Variants in MS4A3 observed in about 807,000 individuals in gnomAD.
MS4A3 encodes the protein membrane-spanning 4-domains subfamily A member 3.
A neutral mutation model predicts 24.7 loss-of-function variants in MS4A3; 18 were observed. The ratio of observed to expected loss-of-function variants is 0.73; its 90% CI spans 0.50 to 1.08. The LOEUF (loss-of-function observed/expected upper bound fraction) is 1.08. MS4A3 is among the 50% of genes least tolerant of loss of function. MS4A3 has a pLI of 0.00. For missense variants in MS4A3, 282 were observed against 251.7 expected (o/e 1.12, Z -0.82); for synonymous variants, 84 against 95.3 (o/e 0.88, Z 0.69).
In MS4A3 at chr11:60,061,513, G is replaced by A. The variant is rs561158165; in HGVS notation, c.156+197G>A. Reference sequence around the variant, plus strand: ...AGTCTATTCAACGTGAAGAGGATGAGGATGAAGACCTTTATGATAATCTAC... The same window carrying A: ...AGTCTATTCAACGTGAAGAGGATGAAGATGAAGACCTTTATGATAATCTAC... On this transcript the variant is annotated intron_variant, in intron 2 of 6. Coordinates refer to ENST00000278865, the MANE Select transcript of MS4A3 (RefSeq NM_006138.5). The A allele has an allele frequency of 7.3e-6, 5 of 682,336 alleles. No individual in the cohort carries two copies. In the South Asian group the frequency reaches 7.7e-5, roughly 11 times the overall value. The allele number at this position is 682,336 out of a possible 1,614,324, so 42.3% of individuals were successfully genotyped here.
In MS4A3 at chr11:60,068,112, CTT is replaced by C. The variant is rs200619312; in HGVS notation, c.513+1001_513+1002del. 9.4e-3 allele frequency among the ~76,000 whole-genome samples: 1,425 copies of C among 152,096 alleles called. 24 individuals are homozygous for C. Among genetic ancestry groups the C allele is most frequent in the African/African-American group, 0.025 (1,045 of 41,504 alleles). The stretch of plus-strand genomic sequence containing the variant: ...ATATCTCCTTGCTTAATAAAACAAA[CTT>C]GAGAGATTTACAACTTTCTCTGCAA... On this transcript the variant is annotated intron_variant, in intron 5 of 6. Coordinates refer to ENST00000278865, the MANE Select transcript of MS4A3 (RefSeq NM_006138.5).
At chr11:60,069,705 C>G in intron 6 of MS4A3, 30 bp downstream of exon 6, 3 of 1,518,240 alleles carry the variant, frequency 2.0e-6, no homozygotes, top group Non-Finnish European at 2.7e-6. Flanking sequence ...TAATCATTCA[C>G]ATGATCTCAA....
At chr11:60,061,992 G>T (rs1855283847) in intron 2 of MS4A3, among the ~76,000 whole-genome samples, 1 of 152,152 alleles carries the variant, frequency 6.6e-6, no homozygotes, top group African/African-American at 2.4e-5. Context: ...TGTGCCTTTT[G>T]ACCAGCCATT....
chr11:60,069,513 ATTT>A (rs112586570), intron 5 of MS4A3, 58 bp from the exon 6 acceptor site: 2 of 952,446 alleles, frequency 2.1e-6, no homozygotes, highest in Non-Finnish European at 1.5e-6. Context: ...TCCTGCTGAC[ATTT>A]TTTTTTTTAC....
rs1414357302 is a variant in MS4A3, at chr11:60,067,057, G to A, written c.458G>A (p.Cys153Tyr). 6.2e-7 allele frequency: 1 copy of A among 1,613,356 alleles called. No individual in the cohort carries two copies. Among genetic ancestry groups the A allele is most frequent in the Non-Finnish European group, 8.5e-7 (1 of 1,179,820 alleles). ...IAVNIQSLRS[C>Y]HSSSESPDLC... ...GTTAATATCCAGTCATTAAGGAGTT[G>A]TCACTCTTCATCAGAGTCACCGGAC... The change falls in exon 5 of 7, where the codon TGT (cysteine) becomes TAT (tyrosine). Residue 153 changes from cysteine (C) to tyrosine (Y), a missense_variant. By Grantham distance (194) the Cys-to-Tyr change is radical. Coordinates refer to ENST00000278865, the MANE Select transcript of MS4A3 (RefSeq NM_006138.5).
At chr11:60,067,830 G>T (rs1590618484) in intron 5 of MS4A3, among the ~76,000 whole-genome samples, 1 of 151,232 alleles carries the variant, frequency 6.6e-6, no homozygotes, top group African/African-American at 2.4e-5. Context: ...GGCGGATCAC[G>T]AGGTCGAGAG....
Position 60,061,096 on chromosome 11 carries a change from T to C in MS4A3, c.-15-50T>C, listed in dbSNP as rs555937979. On this transcript the variant is annotated intron_variant, in intron 1 of 6. Coordinates refer to ENST00000278865, the MANE Select transcript of MS4A3 (RefSeq NM_006138.5). ...CTGTAACACTCAAAATTTTAGTAGC[T>C]AGTGGAAAAAGGGAAAGCATGAAGG... 33 of 1,494,774 alleles carry C rather than the reference T, an allele frequency of 2.2e-5. No homozygotes were observed. The African/African-American group carries it at 3.8e-4, about 17-fold the overall frequency. The allele number at this position is 1,494,774 out of a possible 1,614,324, so 92.6% of individuals were successfully genotyped here. A position where few individuals can be genotyped will look rare whatever the true frequency, so the allele number is the denominator to read the frequency against.
At chr11:60,067,907 C>T (rs1222201162) in intron 5 of MS4A3, among the ~76,000 whole-genome samples, 1 of 151,596 alleles carries the variant, frequency 6.6e-6, no homozygotes, top group Non-Finnish European at 1.5e-5. Flanking sequence ...AAAAAATTAG[C>T]CGGGCATGGT....
In MS4A3 at chr11:60,066,920, A is replaced by C. The variant is rs774980278; in HGVS notation, c.352-31A>C. 3 of 1,523,742 alleles carry C rather than the reference A, an allele frequency of 2.0e-6. No homozygotes were observed. In the Middle Eastern group the frequency reaches 5.1e-4, roughly 260 times the overall value. 94.4% of individuals were successfully genotyped at this position (1,523,742 alleles called of 1,614,324 possible). On this transcript the variant is annotated intron_variant, in intron 4 of 6. Transcript: ENST00000278865. ...CAAAGGAATGAAGTACGTGCTGCAT[A>C]TATTAATTGAAAATTCTTATTCTTT...
At chr11:60,065,214 CTTTTT>C (rs143084907) in intron 4 of MS4A3, among the ~76,000 whole-genome samples, 1 of 128,134 alleles carries the variant, frequency 7.8e-6, no homozygotes, top group Non-Finnish European at 1.6e-5. Flanking sequence ...TAATTTTTGT[CTTTTT>C]TTTTTTTTTT....
Position 60,061,139 on chromosome 11 carries a change from A to C in MS4A3, c.-15-7A>C. The C allele has an allele frequency of 6.5e-7, 1 of 1,546,204 alleles. No homozygotes were observed. The highest frequency in any genetic ancestry group is 8.7e-7 in the Non-Finnish European group (1 of 1,150,730). ...CATGAAGGCTTTGGATTTCTTTTCT[A>C]TCACAGCCATAAACAACCCCAATGG... On this transcript the variant is annotated splice_polypyrimidine_tract_variant and splice_region_variant and intron_variant, in intron 1 of 6. Transcript: ENST00000278865.
chr11:60,061,798 G>A (rs772769987), intron 2 of MS4A3, among the ~76,000 whole-genome samples: 9 of 152,170 alleles, frequency 5.9e-5, no homozygotes, highest in Non-Finnish European at 1.0e-4. Context: ...ACTGTATCAT[G>A]TAGAAAACCT....
chr11:60,070,174 C>T, intron 6 of MS4A3, 30 bp from the exon 7 acceptor site: 1 of 1,578,804 alleles, frequency 6.3e-7, no homozygotes, highest in South Asian at 1.1e-5. Context: ...TGATCCTGTT[C>T]TTGGACATTA....
intron 1 of MS4A3, among the ~76,000 whole-genome samples, chr11:60,060,510 A>G (rs540863826): frequency 7.9e-5 from 12 of 152,310 alleles, no homozygotes; most frequent in East Asian, 1.9e-4. Context: ...GACGTCTTCT[A>G]TATAGTACTA....
At chr11:60,065,820 C>T (rs1855352495) in intron 4 of MS4A3, among the ~76,000 whole-genome samples, 1 of 152,310 alleles carries the variant, frequency 6.6e-6, no homozygotes, top group African/African-American at 2.4e-5. Flanking sequence ...TTGTCTCTGA[C>T]CTTTTAATGT....
At position 60,058,891 on chromosome 11, in the gene MS4A3, C is replaced by T. The variant is rs573548949; in HGVS notation, c.-16+2151C>T. Among the ~76,000 whole-genome samples the T allele has an allele frequency of 4.1e-4, 62 of 152,176 alleles. 1 individual carries two copies. Among genetic ancestry groups the T allele is most frequent in the Non-Finnish European group, 7.2e-4 (49 of 68,002 alleles). ...TATTTATACTTTTTGCAGATAATTA[C>T]GTTAGGAACTTATTCACATAGAGTT... On this transcript the variant is annotated intron_variant, in intron 1 of 6. Transcript: ENST00000278865.
rs1451526812 is a variant in MS4A3, at chr11:60,066,958, A to G, written c.359A>G (p.Asn120Ser). Residue 120 changes from asparagine (N) to serine (S), a missense_variant, in exon 5 of 7, where the codon AAC becomes AGC. By Grantham distance (46) the Asn-to-Ser change is conservative. Coordinates refer to ENST00000278865, the MANE Select transcript of MS4A3 (RefSeq NM_006138.5). ...ATTCTTATTCTTTTTTAGATACAGA[A>G]CAGTTTTGGAATGAACATTGCCAGT... is the stretch of plus-strand genomic sequence containing the variant. ...GIKPTRTWIQNSFGMNIASAT... is the reference protein window; with the variant it reads ...GIKPTRTWIQSSFGMNIASAT... 6.3e-7 allele frequency: 1 copy of G among 1,593,902 alleles called. No individual in the cohort carries two copies. Among genetic ancestry groups the G allele is most frequent in the Non-Finnish European group, 8.5e-7 (1 of 1,175,092 alleles).
At chr11:60,061,580 A>C (rs1233675709) in intron 2 of MS4A3, 2 of 486,004 alleles carry the variant, frequency 4.1e-6, no homozygotes, top group Non-Finnish European at 7.6e-6. Context: ...CTTTCTTATG[A>C]TTTCCTTAAC....
At chr11:60,065,723 C>T (rs1196784855) in intron 4 of MS4A3, among the ~76,000 whole-genome samples, 1 of 152,206 alleles carries the variant, frequency 6.6e-6, no homozygotes, top group Non-Finnish European at 1.5e-5. Context: ...GGAATTTCCT[C>T]ACTTGGCTTC....
Sources: allele counts gnomAD v4.1 joint callset (sites outside exome capture counted in the v4.1 genomes callset), GRCh38; gene constraint gnomAD v4.1.1; transcripts MANE v1.5; gene names NCBI Gene and HGNC (gene_info 2026-07-23, HGNC 2026-07-21).